Variants in PDE4B observed in about 807,000 individuals in gnomAD.
PDE4B encodes 3',5'-cyclic-AMP phosphodiesterase 4B.
Under a neutral mutation model 82.2 loss-of-function variants are expected in PDE4B, and 20 were observed. The ratio of observed to expected loss-of-function variants is 0.24; its 90% CI spans 0.17 to 0.35. The LOEUF is 0.35. Ranked by LOEUF, PDE4B falls within the 10% of genes least tolerant of loss-of-function variation. PDE4B has a pLI of 1.00. For missense variants in PDE4B, 655 were observed against 907.2 expected, an observed-to-expected ratio of 0.72 and a Z score of 3.57; for synonymous variants, 320 against 318.9, an observed-to-expected ratio of 1.00 and a Z score of -0.04.
At chr1:65,875,264 C>G (rs1333122515) in intron 1 of PDE4B, among the ~76,000 whole-genome samples, 7 of 150,360 alleles carry the variant, frequency 4.7e-5, no homozygotes, top group African/African-American at 1.7e-4. Context: ...CCATCTCACA[C>G]CAGTTAGAAT....
chr1:66,105,783 T>C (rs1645338569), intron 3 of PDE4B, among the ~76,000 whole-genome samples: 1 of 152,062 alleles, frequency 6.6e-6, no homozygotes, highest in Non-Finnish European at 1.5e-5. Flanking sequence ...TTTTGTACAT[T>C]GATTTTGTAT....
chr1:66,234,660 T>C (rs571582829), intron 3 of PDE4B, among the ~76,000 whole-genome samples: 33 of 152,276 alleles, frequency 2.2e-4, no homozygotes, highest in African/African-American at 7.5e-4. Context: ...ATCTCCTCTC[T>C]CATTCTTTCA....
intron 3 of PDE4B, among the ~76,000 whole-genome samples, chr1:65,991,333 G>A (rs1223655509): frequency 2.0e-5 from 3 of 151,974 alleles, no homozygotes; most frequent in Admixed American, 6.6e-5. Flanking sequence ...CGCCTGCCTC[G>A]GCCTCCCAAA....
intron 1 of PDE4B, among the ~76,000 whole-genome samples, chr1:65,834,699 G>A (rs888993283): frequency 6.6e-5 from 10 of 152,106 alleles, no homozygotes; most frequent in Admixed American, 2.6e-4. Context: ...ATATAGCCAC[G>A]TCTTCATGTC....
intron 7 of PDE4B, among the ~76,000 whole-genome samples, chr1:66,327,057 G>A (rs1659795547): frequency 6.6e-6 from 1 of 152,124 alleles, no homozygotes; most frequent in Non-Finnish European, 1.5e-5. Context: ...GCTAAAATGT[G>A]TCCCCATGTT....
At chr1:66,085,324 T>C (rs1656951413) in intron 3 of PDE4B, among the ~76,000 whole-genome samples, 1 of 152,182 alleles carries the variant, frequency 6.6e-6, no homozygotes, top group Admixed American at 6.5e-5. Context: ...GACTTGAAGC[T>C]AACATTGGAC....
intron 3 of PDE4B, among the ~76,000 whole-genome samples, chr1:66,102,339 C>T (rs1036149618): frequency 6.6e-6 from 1 of 151,988 alleles, no homozygotes; most frequent in African/African-American, 2.4e-5. Flanking sequence ...CCTAAATATT[C>T]TTTATTTTGA....
intron 7 of PDE4B, among the ~76,000 whole-genome samples, chr1:66,324,000 G>T (rs1659584850): frequency 6.6e-6 from 1 of 152,090 alleles, no homozygotes. Context: ...CTTCACATTG[G>T]TGGTACATGT....
intron 1 of PDE4B, among the ~76,000 whole-genome samples, chr1:65,841,494 G>A (rs1646207359): frequency 6.6e-6 from 1 of 152,050 alleles, no homozygotes; most frequent in South Asian, 2.1e-4. Flanking sequence ...TGGGGAAGCA[G>A]CCTACTGTCC....
chr1:66,160,672 C>CTAAG (rs2101255242), intron 3 of PDE4B, among the ~76,000 whole-genome samples: 1 of 152,220 alleles, frequency 6.6e-6, no homozygotes, highest in South Asian at 2.1e-4. Context: ...AAAAAGATAT[C>CTAAG]TAAGTGTCCT....
Position 66,003,243 on chromosome 1 carries a change from A to G in PDE4B, c.281+84408A>G, listed in dbSNP as rs2100715196. On this transcript the variant is annotated intron_variant, in intron 3 of 16. Coordinates refer to ENST00000341517, the MANE Select transcript of PDE4B (RefSeq NM_002600.4). ...TGTAATAATCATATCCTAATGAACC[A>G]AGCTAAATTATACTAAAATGCACTA... Among the ~76,000 whole-genome samples the G allele has an allele frequency of 2.0e-5, 3 of 152,240 alleles. No homozygotes were observed. The South Asian group carries it at 6.2e-4, about 32-fold the overall frequency.
chr1:65,971,938 T>C (rs969989720), intron 3 of PDE4B, among the ~76,000 whole-genome samples: 6 of 152,196 alleles, frequency 3.9e-5, no homozygotes, highest in Non-Finnish European at 8.8e-5. Context: ...CTTTGGACTT[T>C]TAAATGCCAA....
At position 66,368,831 on chromosome 1, in the gene PDE4B, C is replaced by T. The variant is rs775787595; in HGVS notation, c.1707C>T (p.Thr569=). 6.2e-7 allele frequency: 1 copy of T among 1,612,758 alleles called. No individual in the cohort carries two copies. Among genetic ancestry groups the T allele is most frequent in the East Asian group, 2.2e-5 (1 of 44,846 alleles). Residue 569 remains threonine, a synonymous_variant, in exon 16 of 17, where the codon ACC becomes ACT. Transcript: ENST00000341517. ...ACTGTGCAGACCTGAGCAACCCCACCAAGTCCTTGGAATTGTATCGGCAAT... is the reference window on the plus strand; with the variant it reads ...ACTGTGCAGACCTGAGCAACCCCACTAAGTCCTTGGAATTGTATCGGCAAT... ...MVHCADLSNP[T]KSLELYRQWT...
chr1:66,233,430 A>G (rs1024734790), intron 3 of PDE4B, among the ~76,000 whole-genome samples: 1 of 152,174 alleles, frequency 6.6e-6, no homozygotes, highest in African/African-American at 2.4e-5. Flanking sequence ...CAATGCTACA[A>G]TGAATATTCT....
chr1:65,959,667 T>C (rs1649450141), intron 3 of PDE4B, among the ~76,000 whole-genome samples: 1 of 152,066 alleles, frequency 6.6e-6, no homozygotes, highest in Non-Finnish European at 1.5e-5. Context: ...TTTTTACAGA[T>C]GAGGAGGCAG....
chr1:66,220,019 A>T (rs1338371085), intron 3 of PDE4B, among the ~76,000 whole-genome samples: 5 of 152,206 alleles, frequency 3.3e-5, no homozygotes, highest in African/African-American at 1.2e-4. Flanking sequence ...AGGGCCTGCC[A>T]ATTTACCCTC....
intron 3 of PDE4B, among the ~76,000 whole-genome samples, chr1:66,069,925 G>A (rs189227717): frequency 6.6e-6 from 1 of 151,998 alleles, no homozygotes; most frequent in Non-Finnish European, 1.5e-5. Context: ...TTTGTGTAAA[G>A]CTCTGTTATA....
chr1:65,919,361 A>T (rs1019173402), intron 3 of PDE4B, among the ~76,000 whole-genome samples: 4 of 152,236 alleles, frequency 2.6e-5, no homozygotes, highest in Non-Finnish European at 1.5e-5. Context: ...ACTGTTGTGC[A>T]GAGTCTATAT....
intron 7 of PDE4B, among the ~76,000 whole-genome samples, chr1:66,287,184 G>A (rs565189390): frequency 3.9e-5 from 6 of 152,126 alleles, no homozygotes; most frequent in African/African-American, 1.4e-4. Context: ...GACTTTCAGA[G>A]CTGTCCTGCC....
Sources: allele counts gnomAD v4.1 joint callset (sites outside exome capture counted in the v4.1 genomes callset), GRCh38; gene constraint gnomAD v4.1.1; transcripts MANE v1.5; gene names NCBI Gene and HGNC (gene_info 2026-07-23, HGNC 2026-07-21).